The following NNMT variants were observed in gnomAD, a reference collection of about 807,000 sequenced individuals.
NNMT encodes nicotinamide N-methyltransferase.
NNMT carries 10 observed loss-of-function variants against 11.7 expected under a neutral mutation model. The observed-to-expected ratio is 0.85, with a 90% CI of 0.53 to 1.45. The LOEUF is 1.45. Ranked by LOEUF, NNMT falls within the 40% of genes most tolerant of loss-of-function variation. The probability of loss-of-function intolerance (pLI) is 0.00; values close to 1 mark genes in which losing one functional copy is unlikely to be tolerated. For missense variants in NNMT, 381 were observed against 319.4 expected (o/e 1.19, Z -1.47); for synonymous variants, 143 against 133.8 (o/e 1.07, Z -0.48).
At chr11:114,311,741 A>G (rs989101513) in intron 2 of NNMT, among the ~76,000 whole-genome samples, 3 of 152,230 alleles carry the variant, frequency 2.0e-5, no homozygotes, top group Non-Finnish European at 4.4e-5. Flanking sequence ...AGTGAGTACT[A>G]TACTAAGCAG....
intron 2 of NNMT, among the ~76,000 whole-genome samples, chr11:114,306,771 GTCAGGTAGTGTGCTCC>G (rs1224402349): frequency 6.6e-6 from 1 of 152,138 alleles, no homozygotes; most frequent in African/African-American, 2.4e-5. Context: ...ACAGTTTGAA[GTCAGGTAGTGTGCTCC>G]TCTTAACCTC....
chr11:114,279,611 TTCATTTGGC>T (rs1336177457), intron 2 of NNMT, among the ~76,000 whole-genome samples: 1 of 152,154 alleles, frequency 6.6e-6, no homozygotes. Context: ...GATGTGATGT[TTCATTTGGC>T]TCATTTGGCT....
At chr11:114,310,174 G>A (rs1390374583) in intron 2 of NNMT, among the ~76,000 whole-genome samples, 2 of 152,134 alleles carry the variant, frequency 1.3e-5, no homozygotes, top group Non-Finnish European at 2.9e-5. Context: ...ACCTTTTAAG[G>A]AACTGCCAGA....
In NNMT at chr11:114,296,481, T is replaced by A; in HGVS notation, c.-76T>A. ...TTAGCCTGAGACTCAGGAAGACAAC[T>A]TCTGCAGGGTCACTCCCTGGCTTCT... On this transcript the variant is annotated 5_prime_UTR_variant, in exon 1 of 3. Transcript: ENST00000299964. 6.6e-7 allele frequency: 1 copy of A among 1,520,264 alleles called. No individual in the cohort carries two copies. The highest frequency in any genetic ancestry group is 2.3e-5 in the East Asian group (1 of 44,228). The allele number at this position is 1,520,264 out of a possible 1,614,324, so 94.2% of individuals were successfully genotyped here.
At chr11:114,286,417 TCCC>T (rs1169092289) in intron 2 of NNMT, among the ~76,000 whole-genome samples, 3 of 152,174 alleles carry the variant, frequency 2.0e-5, no homozygotes, top group Non-Finnish European at 4.4e-5. Context: ...AACTTTGTCC[TCCC>T]CAGTCACCCA....
chr11:114,261,745 C>T (rs1945084567), intron 1 of NNMT, among the ~76,000 whole-genome samples: 1 of 152,160 alleles, frequency 6.6e-6, no homozygotes, highest in African/African-American at 2.4e-5. Context: ...CGGTGTTCCG[C>T]TGGGCCTTTC....
chr11:114,302,092 A>G (rs1352517120), intron 2 of NNMT, among the ~76,000 whole-genome samples: 1 of 152,064 alleles, frequency 6.6e-6, no homozygotes, highest in Non-Finnish European at 1.5e-5. Context: ...TTCTCTTTTT[A>G]ATCCAGACTG....
chr11:114,263,666 C>T (rs114190641), intron 2 of NNMT, among the ~76,000 whole-genome samples: 1,833 of 152,312 alleles, frequency 0.012, 28 homozygotes, highest in African/African-American at 0.04. Context: ...CCCTGTATGC[C>T]GTTCAAATTA....
At chr11:114,285,322 C>T (rs1945290337) in intron 2 of NNMT, among the ~76,000 whole-genome samples, 1 of 152,166 alleles carries the variant, frequency 6.6e-6, no homozygotes, top group Non-Finnish European at 1.5e-5. Context: ...ACTGTGAGAA[C>T]CAGGCAGAAG....
chr11:114,292,130 T>TA (rs1179836469), upstream of NNMT, among the ~76,000 whole-genome samples: 2 of 152,242 alleles, frequency 1.3e-5, no homozygotes, highest in African/African-American at 4.8e-5. Context: ...AATTTTTTTT[T>TA]AGCATATCTT....
At chr11:114,261,498 C>T (rs532891135) in intron 1 of NNMT, among the ~76,000 whole-genome samples, 2 of 152,244 alleles carry the variant, frequency 1.3e-5, no homozygotes, top group East Asian at 1.9e-4. Flanking sequence ...GCAGGAGAAT[C>T]GCTTGAACCC....
chr11:114,275,480 G>A (rs559464129), intron 2 of NNMT, among the ~76,000 whole-genome samples: 23 of 152,310 alleles, frequency 1.5e-4, no homozygotes, highest in South Asian at 4.1e-4. Flanking sequence ...AGAGACAGCC[G>A]GCAAGTGGAA....
chr11:114,274,129 A>C (rs1945194895), intron 2 of NNMT, among the ~76,000 whole-genome samples: 1 of 152,172 alleles, frequency 6.6e-6, no homozygotes, highest in Non-Finnish European at 1.5e-5. Context: ...ATAAAATTCC[A>C]AATCTTAGAG....
chr11:114,298,059 A>AC lies in NNMT; in HGVS notation c.265dup (p.Gln89ProfsTer18). ...GAGATCGTCGTCACTGACTACTCAG[A>AC]CCAGAACCTGCAGGAGCTGGAGAAG... On this transcript the variant is annotated frameshift_variant, in exon 2 of 3. Coordinates refer to ENST00000299964, the MANE Select transcript of NNMT (RefSeq NM_006169.3). LOFTEE classifies it high-confidence loss of function. 6.2e-7 allele frequency: 1 copy of AC among 1,614,144 alleles called. No individual in the cohort carries two copies. Among genetic ancestry groups the AC allele is most frequent in the Non-Finnish European group, 8.5e-7 (1 of 1,180,028 alleles).
chr11:114,295,117 TG>T (rs1480611242), upstream of NNMT, among the ~76,000 whole-genome samples: 1 of 152,184 alleles, frequency 6.6e-6, no homozygotes, highest in East Asian at 1.9e-4. Context: ...ATTACTTGGT[TG>T]CAATGGTTAT....
intron 2 of NNMT, among the ~76,000 whole-genome samples, chr11:114,278,013 A>C (rs1306659629): frequency 6.6e-6 from 1 of 152,244 alleles, no homozygotes; most frequent in Non-Finnish European, 1.5e-5. Context: ...TACTAAAAGA[A>C]GAAATATGTT....
intron 2 of NNMT, among the ~76,000 whole-genome samples, chr11:114,284,664 G>A (rs557316015): frequency 5.3e-5 from 8 of 150,970 alleles, no homozygotes; most frequent in South Asian, 2.1e-4. Context: ...GGGTTTCACC[G>A]TGTTAGCCAG....
intron 1 of NNMT, among the ~76,000 whole-genome samples, chr11:114,261,876 G>T (rs1221410949): frequency 6.6e-6 from 1 of 152,184 alleles, no homozygotes; most frequent in Non-Finnish European, 1.5e-5. Context: ...CTGTCAGTCA[G>T]CCCTAACCCC....
intron 2 of NNMT, among the ~76,000 whole-genome samples, chr11:114,305,301 T>C (rs1945479729): frequency 6.6e-6 from 1 of 151,606 alleles, no homozygotes; most frequent in Non-Finnish European, 1.5e-5. Flanking sequence ...AGGTGGGGCA[T>C]GGACCACCTC....
Sources: allele counts gnomAD v4.1 joint callset (sites outside exome capture counted in the v4.1 genomes callset), GRCh38; gene constraint gnomAD v4.1.1; transcripts MANE v1.5; gene names NCBI Gene and HGNC (gene_info 2026-07-23, HGNC 2026-07-21).